COQ5: variants seen among roughly 807,000 people sequenced by gnomAD.
COQ5 encodes the protein coenzyme Q5, methyltransferase, also known as 2-methoxy-6-polyprenyl-1,4-benzoquinol methylase, mitochondrial.
A neutral mutation model predicts 40.5 loss-of-function variants in COQ5; 27 were observed. That is an observed-to-expected ratio of 0.67 (90% CI 0.49 to 0.92). The LOEUF (loss-of-function observed/expected upper bound fraction) is 0.92. COQ5 is among the 40% of genes least tolerant of loss of function. The pLI is 0.00. For missense variants in COQ5, 409 were observed against 406.4 expected (o/e 1.01, Z -0.06); for synonymous variants, 141 against 150.0 (o/e 0.94, Z 0.44).
intron 1 of COQ5, chr12:120,526,516 T>G: frequency 2.2e-6 from 1 of 454,150 alleles, no homozygotes; most frequent in Non-Finnish European, 4.4e-6. Flanking sequence ...GAAGAAGTGA[T>G]GCCAGCAAAA....
At chr12:120,521,118 T>A (rs1454500963) in intron 2 of COQ5, among the ~76,000 whole-genome samples, 1 of 142,800 alleles carries the variant, frequency 7.0e-6, no homozygotes, top group African/African-American at 2.7e-5. Flanking sequence ...CAGGCTGGAG[T>A]GTAATGGTAC....
intron 2 of COQ5, among the ~76,000 whole-genome samples, chr12:120,519,313 C>T (rs916288181): frequency 6.6e-6 from 1 of 152,160 alleles, no homozygotes; most frequent in African/African-American, 2.4e-5. Context: ...AATCTCAACA[C>T]TTTGGGAGGC....
chr12:120,525,423 T>C (rs1869890861), intron 1 of COQ5, among the ~76,000 whole-genome samples: 1 of 152,008 alleles, frequency 6.6e-6, no homozygotes, highest in African/African-American at 2.4e-5. Context: ...TTTTGGGGTG[T>C]CTGGGGGACA....
chr12:120,516,488 AT>A, intron 3 of COQ5, 78 bp downstream of exon 3: 1 of 1,215,070 alleles, frequency 8.2e-7, no homozygotes, highest in Non-Finnish European at 1.2e-6. Flanking sequence ...AAGATAAAGC[AT>A]TTCAATATTT....
At chr12:120,508,295 A>G (rs1868973443) in intron 4 of COQ5, among the ~76,000 whole-genome samples, 1 of 152,092 alleles carries the variant, frequency 6.6e-6, no homozygotes, top group African/African-American at 2.4e-5. Flanking sequence ...AAAGAGTTCA[A>G]GACCAGCTGA....
chr12:120,505,064 T>C (rs1309252216), intron 4 of COQ5, 81 bp from the exon 5 acceptor site: 2 of 1,154,786 alleles, frequency 1.7e-6, no homozygotes, highest in Non-Finnish European at 2.6e-6. Context: ...CTTTAGCTTC[T>C]GCAGGCATTA....
At position 120,504,026 on chromosome 12, in the gene COQ5, C is replaced by T. The variant is rs980070962; in HGVS notation, c.826G>A (p.Gly276Arg). 1.1e-5 allele frequency: 17 copies of T among 1,613,816 alleles called. 1 individual carries two copies. In the East Asian group the frequency reaches 3.3e-4, roughly 32 times the overall value. ...AGGTACTGATAGGACTTCCAGTCTC[C>T]AGCGATGACCTCTCCCAGGACAGGG... is the stretch of plus-strand genomic sequence containing the variant. The part of the protein sequence containing the change: ...VIPVLGEVIA[G>R]DWKSYQYLVE... The change falls in exon 6 of 7, where the codon GGA (glycine) becomes AGA (arginine). Residue 276 changes from glycine (G) to arginine (R), a missense_variant. Coordinates refer to ENST00000288532, the MANE Select transcript of COQ5 (RefSeq NM_032314.4).
intron 2 of COQ5, among the ~76,000 whole-genome samples, chr12:120,521,443 C>A (rs973301665): frequency 6.6e-6 from 1 of 151,566 alleles, no homozygotes; most frequent in Non-Finnish European, 1.5e-5. Context: ...CTTGGGAGGC[C>A]GAGGCGGGTG....
chr12:120,504,140 G>A, intron 5 of COQ5, 59 bp from the exon 6 acceptor site: 2 of 1,043,996 alleles, frequency 1.9e-6, no homozygotes, highest in Non-Finnish European at 3.0e-6. Flanking sequence ...TTCTTCCCTA[G>A]ATAAGAAGAA....
chr12:120,504,708 A>G, intron 5 of COQ5, 187 bp downstream of exon 5: 4 of 630,636 alleles, frequency 6.3e-6, no homozygotes, highest in Non-Finnish European at 8.6e-6. Flanking sequence ...CTTAATATAC[A>G]TATGTAAGCC....
At chr12:120,514,952 C>T (rs531589455) in intron 3 of COQ5, among the ~76,000 whole-genome samples, 1 of 151,708 alleles carries the variant, frequency 6.6e-6, no homozygotes, top group East Asian at 2.0e-4. Flanking sequence ...GTCACCACAC[C>T]CAGCTAATTT....
intron 4 of COQ5, among the ~76,000 whole-genome samples, chr12:120,509,268 G>A (rs1297590594): frequency 1.3e-5 from 2 of 152,108 alleles, no homozygotes; most frequent in Non-Finnish European, 2.9e-5. Flanking sequence ...TGTAATCCCA[G>A]CATTTTGGGA....
chr12:120,509,975 T>C (rs1390971016), intron 4 of COQ5, 42 bp downstream of exon 4: 7 of 1,472,398 alleles, frequency 4.8e-6, no homozygotes, highest in African/African-American at 2.8e-5. Context: ...ACAGAGGTAA[T>C]TTCCTGAGAG....
At chr12:120,510,561 G>A (rs191622253) in intron 3 of COQ5, among the ~76,000 whole-genome samples, 161 of 152,128 alleles carry the variant, frequency 1.1e-3, no homozygotes, top group African/African-American at 3.5e-3. Context: ...CAATCCTCCC[G>A]CCTCGGCCTC....
intron 2 of COQ5, among the ~76,000 whole-genome samples, chr12:120,517,976 T>G (rs572958903): frequency 5.3e-5 from 8 of 152,054 alleles, no homozygotes; most frequent in African/African-American, 1.9e-4. Context: ...CCTGGCTAAT[T>G]TTGTATTTTT....
chr12:120,509,055 AAAT>A lies in COQ5; in HGVS notation c.681+959_681+961del, dbSNP rs1343403612. Reference sequence around the variant, plus strand: ...AAAAAAAAAAAGTTTTCATTCAACAAAATAATAAACTGGCTACTGACATAGGAA... The same window carrying A: ...AAAAAAAAAAAGTTTTCATTCAACAAAATAAACTGGCTACTGACATAGGAA... On this transcript the variant is annotated intron_variant, in intron 4 of 6. Coordinates refer to ENST00000288532, the MANE Select transcript of COQ5 (RefSeq NM_032314.4). 3.9e-5 allele frequency among the ~76,000 whole-genome samples: 6 copies of A among 152,186 alleles called. No individual in the cohort carries two copies. The East Asian group carries it at 1.2e-3, about 29-fold the overall frequency.
In COQ5 at chr12:120,516,782, A is replaced by G. The variant is rs1227358399; in HGVS notation, c.359T>C (p.Ile120Thr). 6.2e-7 allele frequency: 1 copy of G among 1,614,000 alleles called. No homozygotes were observed. Among genetic ancestry groups the G allele is most frequent in the Non-Finnish European group, 8.5e-7 (1 of 1,179,826 alleles). ...LLDVAGGTGDIAFRFLNYVQS... is the reference protein window; with the variant it reads ...LLDVAGGTGDTAFRFLNYVQS... Reference sequence around the variant, plus strand: ...AACATAATTAAGGAACCGGAATGCAATGTCACCTGTGGGAAGCCAACATGA... The same window carrying G: ...AACATAATTAAGGAACCGGAATGCAGTGTCACCTGTGGGAAGCCAACATGA... Residue 120 changes from isoleucine (I) to threonine (T), a missense_variant, in exon 3 of 7, where the codon ATT becomes ACT. Transcript: ENST00000288532.
intron 3 of COQ5, among the ~76,000 whole-genome samples, chr12:120,512,956 C>T (rs1451055544): frequency 6.8e-6 from 1 of 148,106 alleles, no homozygotes; most frequent in Admixed American, 6.6e-5. Context: ...TACTCACCTG[C>T]CTGATTTTTT....
intron 3 of COQ5, among the ~76,000 whole-genome samples, chr12:120,511,116 G>A (rs1869118026): frequency 2.0e-5 from 3 of 151,956 alleles, no homozygotes; most frequent in Admixed American, 2.0e-4. Flanking sequence ...AATTAGCCGG[G>A]CGTGGTGGCA....
Sources: allele counts gnomAD v4.1 joint callset (sites outside exome capture counted in the v4.1 genomes callset), GRCh38; gene constraint gnomAD v4.1.1; transcripts MANE v1.5; gene names NCBI Gene and HGNC (gene_info 2026-07-23, HGNC 2026-07-21).